The following SPATS2 variants were observed in gnomAD, a reference collection of about 807,000 sequenced individuals.
SPATS2 encodes spermatogenesis associated serine rich 2.
A neutral mutation model predicts 63.7 loss-of-function variants in SPATS2; 38 were observed. The observed-to-expected ratio is 0.60, with a 90% confidence interval of 0.46 to 0.78. The LOEUF is 0.78. Among genes scored for constraint, SPATS2 ranks in the 30% least tolerant of loss-of-function variants. The probability of loss-of-function intolerance (pLI) is 0.00; values close to 1 mark genes in which losing one functional copy is unlikely to be tolerated. For missense variants in SPATS2, 588 were observed against 666.2 expected, an observed-to-expected ratio of 0.88 and a Z score of 1.29; for synonymous variants, 207 against 232.9, an observed-to-expected ratio of 0.89 and a Z score of 1.01.
chr12:49,516,099 C>CG (rs1395107908), intron 10 of SPATS2, among the ~76,000 whole-genome samples: 1 of 129,960 alleles, frequency 7.7e-6, no homozygotes, highest in African/African-American at 2.9e-5. Flanking sequence ...GAGATTGCGC[C>CG]ACTGCACTCC....
intron 2 of SPATS2, among the ~76,000 whole-genome samples, chr12:49,436,756 G>T (rs1462509175): frequency 1.4e-5 from 2 of 142,562 alleles, no homozygotes; most frequent in Admixed American, 1.4e-4. Context: ...CATCCTTCCC[G>T]GACAGGGCGG....
chr12:49,519,338 A>G (rs1207953387), intron 11 of SPATS2, among the ~76,000 whole-genome samples, 156 bp downstream of exon 11: 2 of 152,140 alleles, frequency 1.3e-5, no homozygotes, highest in Non-Finnish European at 2.9e-5. Context: ...AAGTGGTATT[A>G]TCATCTACCC....
chr12:49,506,857 C>T (rs557947200), intron 9 of SPATS2, among the ~76,000 whole-genome samples: 49 of 151,650 alleles, frequency 3.2e-4, no homozygotes, highest in Admixed American at 1.1e-3. Context: ...AAAAAAATTT[C>T]GATTTACAGT....
chr12:49,504,228 T>C (rs1387541625), intron 9 of SPATS2, among the ~76,000 whole-genome samples: 1 of 152,216 alleles, frequency 6.6e-6, no homozygotes, highest in African/African-American at 2.4e-5. Context: ...CTAGGGAAAT[T>C]ATACAGATAA....
chr12:49,425,863 C>T (rs1945067062), intron 2 of SPATS2, among the ~76,000 whole-genome samples: 1 of 150,606 alleles, frequency 6.6e-6, no homozygotes. Flanking sequence ...GAACTCCTGA[C>T]CTCAAGCGAT....
At chr12:49,491,858 C>T (rs1286219485) in intron 6 of SPATS2, among the ~76,000 whole-genome samples, 3 of 152,322 alleles carry the variant, frequency 2.0e-5, no homozygotes, top group Admixed American at 6.5e-5. Flanking sequence ...CACAGCTCTG[C>T]ACTGTAAAGG....
chr12:49,500,320 C>A, intron 9 of SPATS2, 115 bp downstream of exon 9: 1 of 1,160,290 alleles, frequency 8.6e-7, no homozygotes, highest in Non-Finnish European at 1.2e-6. Flanking sequence ...GTAGGAGAGA[C>A]TTATAAATCC....
intron 2 of SPATS2, among the ~76,000 whole-genome samples, chr12:49,435,132 G>A (rs1378466606): frequency 6.8e-6 from 1 of 147,270 alleles, no homozygotes; most frequent in South Asian, 2.2e-4. Context: ...CCGGGTTCAC[G>A]CCATTCTCCT....
chr12:49,398,773 T>G lies in SPATS2; in HGVS notation c.-244+27483T>G, dbSNP rs544488305. Among the ~76,000 whole-genome samples the G allele has an allele frequency of 2.6e-5, 4 of 152,312 alleles. No individual in the cohort carries two copies. The East Asian group carries it at 7.7e-4, about 29-fold the overall frequency. On this transcript the variant is annotated intron_variant, in intron 2 of 13. Transcript: ENST00000552918. ...CAGAAATCCCACCAACCCCCATGTT[T>G]TCCAGAAAATGATTTGAGTTAAACA...
At chr12:49,463,754 C>G (rs977910149) in intron 3 of SPATS2, 1 of 152,168 alleles carries the variant, frequency 6.6e-6, no homozygotes, top group African/African-American at 2.4e-5. Context: ...AGTGGTATTT[C>G]ATTTACAGGC....
At chr12:49,427,902 T>C (rs1260002099) in intron 2 of SPATS2, among the ~76,000 whole-genome samples, 2 of 152,170 alleles carry the variant, frequency 1.3e-5, no homozygotes, top group South Asian at 2.1e-4. Context: ...TTCTAGAGTC[T>C]TCTTGCTGGG....
At chr12:49,436,876 C>G (rs554976404) in intron 2 of SPATS2, among the ~76,000 whole-genome samples, 4 of 140,156 alleles carry the variant, frequency 2.9e-5, no homozygotes, top group Non-Finnish European at 4.7e-5. Flanking sequence ...CCCCCCACCT[C>G]CCTCCCGGAC....
intron 12 of SPATS2, among the ~76,000 whole-genome samples, chr12:49,523,709 T>C (rs956142906): frequency 6.6e-6 from 1 of 151,992 alleles, no homozygotes; most frequent in African/African-American, 2.4e-5. Flanking sequence ...CCCAGCACTT[T>C]GGGAGGCTGA....
At chr12:49,498,515 C>T (rs1218078322) in intron 8 of SPATS2, among the ~76,000 whole-genome samples, 1 of 151,976 alleles carries the variant, frequency 6.6e-6, no homozygotes, top group Admixed American at 6.6e-5. Flanking sequence ...CTATTAAATC[C>T]TGTAACTTAA....
At chr12:49,418,191 T>G (rs572515037) in intron 2 of SPATS2, among the ~76,000 whole-genome samples, 25 of 145,782 alleles carry the variant, frequency 1.7e-4, no homozygotes, top group Admixed American at 1.3e-3. Flanking sequence ...CATGGCTCAC[T>G]GCAGCCTCAA....
chr12:49,451,564 GTTAAA>G (rs1488733399), intron 2 of SPATS2, among the ~76,000 whole-genome samples: 11 of 152,112 alleles, frequency 7.2e-5, no homozygotes, highest in Admixed American at 5.2e-4. Context: ...ACATACTTTA[GTTAAA>G]TTATTTTCAG....
At chr12:49,479,642 C>A (rs568830680) in intron 3 of SPATS2, among the ~76,000 whole-genome samples, 14 of 152,328 alleles carry the variant, frequency 9.2e-5, no homozygotes, top group African/African-American at 3.4e-4. Context: ...AGGGCTCCTG[C>A]TCCCCCTGCC....
chr12:49,485,595 C>T (rs956553136), intron 4 of SPATS2, among the ~76,000 whole-genome samples: 4 of 151,938 alleles, frequency 2.6e-5, no homozygotes, highest in Admixed American at 2.0e-4. Flanking sequence ...CTCCTGGCCT[C>T]AAGTGATCCA....
intron 3 of SPATS2, among the ~76,000 whole-genome samples, chr12:49,472,473 G>T (rs986429630): frequency 6.6e-6 from 1 of 151,194 alleles, no homozygotes; most frequent in African/African-American, 2.4e-5. Context: ...TACAGAATGG[G>T]AGAAGAAACT....
Sources: allele counts gnomAD v4.1 joint callset (sites outside exome capture counted in the v4.1 genomes callset), GRCh38; gene constraint gnomAD v4.1.1; transcripts MANE v1.5; gene names NCBI Gene and HGNC (gene_info 2026-07-23, HGNC 2026-07-21).